The following DLG2 variants were observed in gnomAD, a reference collection of about 807,000 sequenced individuals.
DLG2 encodes disks large homolog 2.
Under a neutral mutation model 132.5 loss-of-function variants are expected in DLG2, and 45 were observed. The observed-to-expected ratio is 0.34, with a 90% confidence interval of 0.27 to 0.44. The LOEUF (loss-of-function observed/expected upper bound fraction) is 0.44, where lower values mean the gene tolerates loss of function less well. DLG2 is among the 20% of genes least tolerant of loss of function. The pLI, the probability that DLG2 is intolerant of heterozygous loss-of-function variation, is 1.00. For synonymous variants in DLG2, 424 were observed against 419.6 expected (o/e 1.01, Z -0.13); for missense variants, 1,045 against 1,196.9 (o/e 0.87, Z 1.87).
chr11:85,059,380 G>A (rs1315268577), intron 6 of DLG2, among the ~76,000 whole-genome samples: 1 of 151,420 alleles, frequency 6.6e-6, no homozygotes, highest in African/African-American at 2.4e-5. Flanking sequence ...TTAAACATAT[G>A]CTTATTCTAA....
chr11:85,429,566 T>C (rs1257015111), intron 3 of DLG2, among the ~76,000 whole-genome samples: 1 of 152,110 alleles, frequency 6.6e-6, no homozygotes, highest in Admixed American at 6.6e-5. Context: ...CAGACACTTC[T>C]CAAAAGAAGA....
At chr11:85,260,476 G>T (rs747541642) in intron 4 of DLG2, among the ~76,000 whole-genome samples, 2 of 152,128 alleles carry the variant, frequency 1.3e-5, no homozygotes, top group African/African-American at 4.8e-5. Flanking sequence ...AAGTTTCAAG[G>T]CTCCATGGTC....
At chr11:85,366,061 G>C (rs1446793774) in intron 3 of DLG2, among the ~76,000 whole-genome samples, 1 of 152,088 alleles carries the variant, frequency 6.6e-6, no homozygotes, top group Non-Finnish European at 1.5e-5. Flanking sequence ...ATGTATCCCA[G>C]AACTTAAAGT....
chr11:85,406,343 GC>G (rs2088732008), intron 3 of DLG2, among the ~76,000 whole-genome samples: 1 of 151,852 alleles, frequency 6.6e-6, no homozygotes, highest in Admixed American at 6.6e-5. Context: ...AGAGAGTCAA[GC>G]TTCATGAGAG....
intron 19 of DLG2, among the ~76,000 whole-genome samples, chr11:83,605,284 T>C (rs966018430): frequency 3.3e-5 from 5 of 152,200 alleles, no homozygotes; most frequent in African/African-American, 1.2e-4. Context: ...TGAAAGCCAA[T>C]TCAATCTTTA....
chr11:83,944,667 T>C (rs2083395929), intron 14 of DLG2, among the ~76,000 whole-genome samples: 1 of 152,200 alleles, frequency 6.6e-6, no homozygotes, highest in Non-Finnish European at 1.5e-5. Context: ...CCGGAATAGA[T>C]TCAACAGATG....
chr11:85,250,406 C>T (rs1007792504), intron 4 of DLG2, among the ~76,000 whole-genome samples: 2 of 152,054 alleles, frequency 1.3e-5, no homozygotes, highest in African/African-American at 4.8e-5. Context: ...TAGTAGTATG[C>T]CTGCCTCAAA....
At chr11:84,418,145 T>C (rs1422388467) in intron 7 of DLG2, among the ~76,000 whole-genome samples, 1 of 152,238 alleles carries the variant, frequency 6.6e-6, no homozygotes, top group Non-Finnish European at 1.5e-5. Flanking sequence ...GGAGTTTGCA[T>C]ATGGTGCTAC....
intron 6 of DLG2, among the ~76,000 whole-genome samples, chr11:85,019,931 T>G (rs2059899131): frequency 6.6e-6 from 1 of 152,182 alleles, no homozygotes; most frequent in Non-Finnish European, 1.5e-5. Context: ...TAAACATACG[T>G]GTGCATGTGT....
chr11:84,714,616 T>TG (rs1174781179), intron 6 of DLG2, among the ~76,000 whole-genome samples: 1 of 108,810 alleles, frequency 9.2e-6, no homozygotes, highest in African/African-American at 3.9e-5. Flanking sequence ...TCTCTTTCTC[T>TG]TTCTCTTTCT....
At chr11:83,884,438 T>C (rs1973693) in intron 15 of DLG2, among the ~76,000 whole-genome samples, 124,353 of 152,170 alleles carry the variant, frequency 0.82, 51,416 homozygotes, top group African/African-American at 0.95. Context: ...ACAAAGCAGC[T>C]GGGAAACTGG....
At chr11:84,782,148 G>A (rs2153911320) in intron 6 of DLG2, among the ~76,000 whole-genome samples, 1 of 151,992 alleles carries the variant, frequency 6.6e-6, no homozygotes, top group South Asian at 2.1e-4. Context: ...TGTAGCCCAG[G>A]TGTTTACTCC....
chr11:84,596,511 T>C (rs190712786), intron 6 of DLG2, among the ~76,000 whole-genome samples: 163 of 151,836 alleles, frequency 1.1e-3, no homozygotes, highest in African/African-American at 2.3e-3. Flanking sequence ...GCTTGAGCTA[T>C]TGCACCCAGC....
At chr11:84,150,611 C>A (rs1355895935) in intron 9 of DLG2, among the ~76,000 whole-genome samples, 1 of 152,078 alleles carries the variant, frequency 6.6e-6, no homozygotes, top group Non-Finnish European at 1.5e-5. Flanking sequence ...TTATTCCTTT[C>A]TCTTGCTTGA....
At chr11:84,752,614 T>C (rs903747137) in intron 6 of DLG2, among the ~76,000 whole-genome samples, 1 of 148,774 alleles carries the variant, frequency 6.7e-6, no homozygotes, top group African/African-American at 2.5e-5. Context: ...CATGTGCACA[T>C]TGTGCAGGTT....
chr11:83,736,799 T>A (rs2091957475), intron 18 of DLG2, among the ~76,000 whole-genome samples: 1 of 152,188 alleles, frequency 6.6e-6, no homozygotes. Context: ...TAATGCACAG[T>A]GAAGACAATA....
At chr11:83,625,527 T>TC (rs955684687) in intron 19 of DLG2, among the ~76,000 whole-genome samples, 1 of 152,092 alleles carries the variant, frequency 6.6e-6, no homozygotes, top group Non-Finnish European at 1.5e-5. Flanking sequence ...GGACCACCCT[T>TC]CCCCCAGAAC....
intron 15 of DLG2, among the ~76,000 whole-genome samples, chr11:83,907,910 G>A (rs1444731595): frequency 3.3e-5 from 5 of 152,054 alleles, no homozygotes; most frequent in Non-Finnish European, 5.9e-5. Flanking sequence ...TCCACTCTCC[G>A]TTCCCAAGGC....
intron 7 of DLG2, among the ~76,000 whole-genome samples, chr11:84,414,666 CT>C (rs2098922740): frequency 6.6e-6 from 1 of 152,082 alleles, no homozygotes. Flanking sequence ...TCTAATGACA[CT>C]TGGAGAAAAT....
Sources: gnomAD v4.1 joint callset for allele counts (sites outside exome capture counted in the v4.1 genomes callset) on GRCh38, gnomAD v4.1.1 for gene constraint, MANE v1.5 for transcripts, NCBI Gene and HGNC (gene_info 2026-07-23, HGNC 2026-07-21) for gene names.